Variants in SLC39A10 observed in about 807,000 individuals in gnomAD.
The protein encoded by SLC39A10 is solute carrier family 39 member 10.
In SLC39A10, 13 loss-of-function variants were observed where a neutral mutation model predicts 65.1. The observed-to-expected ratio is 0.20, with a 90% CI of 0.13 to 0.32. SLC39A10 has a LOEUF of 0.32. Among genes scored for constraint, SLC39A10 ranks in the 10% least tolerant of loss-of-function variants. SLC39A10 has a pLI of 1.00. For missense variants in SLC39A10, 831 were observed against 1,018.4 expected (o/e 0.82, Z 2.50); for synonymous variants, 321 against 342.2 (o/e 0.94, Z 0.68).
chr2:195,620,623 T>C (rs548946536), intron 2 of SLC39A10, among the ~76,000 whole-genome samples: 2 of 152,246 alleles, frequency 1.3e-5, no homozygotes, highest in East Asian at 3.9e-4. Flanking sequence ...TTGAAGTTCC[T>C]GATCCCCAGG....
chr2:195,614,401 C>T (rs1384835124), intron 2 of SLC39A10, among the ~76,000 whole-genome samples: 1 of 152,082 alleles, frequency 6.6e-6, no homozygotes, highest in Non-Finnish European at 1.5e-5. Flanking sequence ...TCTACTTTTG[C>T]ATTCCGAGCC....
Position 195,716,679 on chromosome 2 carries a change from C to T in SLC39A10, c.1739C>T (p.Thr580Ile), listed in dbSNP as rs1559047310. The change falls in exon 7 of 10, where the codon ACT becomes ATT. Residue 580 changes from threonine to isoleucine, a missense_variant. By Grantham distance (89) the Thr-to-Ile change is moderately conservative. Around this residue, in one of 4 missense-constraint regions of SLC39A10, gnomAD observed 230 missense variants for 242.9 expected, o/e 0.95. Transcript: ENST00000359634. ...SVVSEDRLNE[T>I]ELTDLEGQQE... ...GTTTCTGAAGATCGACTTAATGAAA[C>T]TGAACTGACAGATTTAGAAGGCCAA... is the stretch of plus-strand genomic sequence containing the variant. 2 of 1,612,754 alleles carry T rather than the reference C, an allele frequency of 1.2e-6. No homozygotes were observed. Among genetic ancestry groups the T allele is most frequent in the Non-Finnish European group, 8.5e-7 (1 of 1,179,412 alleles).
chr2:195,694,912 G>T (rs1052316419), intron 3 of SLC39A10, among the ~76,000 whole-genome samples: 4 of 152,148 alleles, frequency 2.6e-5, no homozygotes, highest in African/African-American at 9.7e-5. Context: ...TCGCAGATGG[G>T]GTCTGAAGGG....
chr2:195,676,188 C>A (rs1405688021), intron 1 of SLC39A10, among the ~76,000 whole-genome samples: 1 of 150,038 alleles, frequency 6.7e-6, no homozygotes, highest in Non-Finnish European at 1.5e-5. Context: ...TTCCCCCTCC[C>A]CTGCCGCCAC....
At chr2:195,727,849 T>A (rs1692301254) in intron 8 of SLC39A10, among the ~76,000 whole-genome samples, 2 of 152,128 alleles carry the variant, frequency 1.3e-5, no homozygotes, top group Admixed American at 1.3e-4. Flanking sequence ...GTGCTCTTCC[T>A]TTAGAGTCGC....
intron 9 of SLC39A10, among the ~76,000 whole-genome samples, chr2:195,733,424 T>C (rs1692488126): frequency 6.6e-6 from 1 of 152,248 alleles, no homozygotes; most frequent in Non-Finnish European, 1.5e-5. Context: ...ACAAATCTTA[T>C]TTACTTAGAC....
At chr2:195,714,909 C>T (rs1202771614) in intron 6 of SLC39A10, among the ~76,000 whole-genome samples, 1 of 151,892 alleles carries the variant, frequency 6.6e-6, no homozygotes, top group East Asian at 2.0e-4. Context: ...CCCGCCATCA[C>T]GCCCGTCTAA....
rs539914152 is a variant in SLC39A10, at chr2:195,624,955, G to A, written c.-12+18722G>A. Among the ~76,000 whole-genome samples, 147 of 149,410 alleles carry A rather than the reference G, an allele frequency of 9.8e-4. 2 individuals are homozygous for A. Among genetic ancestry groups the A allele is most frequent in the East Asian group, 2.0e-3 (10 of 4,956 alleles). Reference sequence around the variant, plus strand: ...GGGCCGGGCGCAGTGACTCACGCCTGTAATCCCAGCACTTTGAAAGACCGA... The same window carrying A: ...GGGCCGGGCGCAGTGACTCACGCCTATAATCCCAGCACTTTGAAAGACCGA... On this transcript the variant is annotated intron_variant, in intron 2 of 2. Transcript: ENST00000458054.
In SLC39A10 at chr2:195,736,314, A is replaced by AT. The variant is rs1383777984; in HGVS notation, c.*1278dup. The AT allele has an allele frequency of 1.2e-5, 2 of 164,484 alleles. No individual in the cohort carries two copies. The highest frequency in any genetic ancestry group is 4.8e-5 in the African/African-American group (2 of 41,422). 10.2% of individuals were successfully genotyped at this position (164,484 alleles called of 1,614,324 possible). ...GAAGTGCAAGCCATGTTTATCCTGA[A>AT]TTTTTACTTAATAATTTGTATTACT... is the stretch of plus-strand genomic sequence containing the variant. On this transcript the variant is annotated 3_prime_UTR_variant, in exon 10 of 10. Transcript: ENST00000359634.
At chr2:195,613,258 T>C (rs1008045960) in intron 2 of SLC39A10, among the ~76,000 whole-genome samples, 2 of 152,178 alleles carry the variant, frequency 1.3e-5, no homozygotes, top group Admixed American at 6.5e-5. Context: ...TCCTTGATGA[T>C]AGTAATCATT....
intron 8 of SLC39A10, among the ~76,000 whole-genome samples, chr2:195,725,195 A>C (rs1033565890): frequency 1.3e-5 from 2 of 152,154 alleles, no homozygotes; most frequent in East Asian, 1.9e-4. Flanking sequence ...AAAATATAGA[A>C]TATCTCTGTG....
intron 8 of SLC39A10, among the ~76,000 whole-genome samples, chr2:195,723,016 G>C (rs2615458): frequency 0.99 from 150,492 of 152,320 alleles, 74,373 homozygotes; most frequent in East Asian, 1. Flanking sequence ...TACCTTCTTA[G>C]CACTTACCCC....
chr2:195,664,072 T>C (rs1191457402), intron 1 of SLC39A10, among the ~76,000 whole-genome samples: 2 of 152,128 alleles, frequency 1.3e-5, no homozygotes, highest in African/African-American at 2.4e-5. Flanking sequence ...CAGTTAAAAA[T>C]TGAAAATCAG....
chr2:195,626,393 C>G (rs181347191), intron 2 of SLC39A10, among the ~76,000 whole-genome samples: 2 of 152,208 alleles, frequency 1.3e-5, no homozygotes, highest in Admixed American at 6.5e-5. Flanking sequence ...ATTGTCAGAC[C>G]CTGACAGCAA....
chr2:195,710,283 G>A (rs1283883786), intron 5 of SLC39A10, among the ~76,000 whole-genome samples: 1 of 152,096 alleles, frequency 6.6e-6, no homozygotes, highest in Non-Finnish European at 1.5e-5. Flanking sequence ...TCACTAACAT[G>A]TTTGTGATAC....
At chr2:195,615,972 G>A (rs1394650607) in intron 2 of SLC39A10, among the ~76,000 whole-genome samples, 2 of 152,054 alleles carry the variant, frequency 1.3e-5, no homozygotes, top group East Asian at 1.9e-4. Flanking sequence ...CTCTTTTTAT[G>A]TTTCCTAGCA....
At chr2:195,697,531 C>G (rs1301210734) in intron 3 of SLC39A10, among the ~76,000 whole-genome samples, 1 of 152,006 alleles carries the variant, frequency 6.6e-6, no homozygotes, top group Non-Finnish European at 1.5e-5. Context: ...ATTAGTCACC[C>G]AGGTATTAAG....
chr2:195,626,727 G>C (rs1164950361), intron 2 of SLC39A10, among the ~76,000 whole-genome samples: 1 of 152,172 alleles, frequency 6.6e-6, no homozygotes, highest in Non-Finnish European at 1.5e-5. Flanking sequence ...GCTATAGTTA[G>C]AGTCAGCTGG....
At chr2:195,637,006 C>T (rs1688709579) in intron 2 of SLC39A10, among the ~76,000 whole-genome samples, 1 of 152,086 alleles carries the variant, frequency 6.6e-6, no homozygotes, top group Admixed American at 6.6e-5. Context: ...TACCTAATTC[C>T]CTCTAGTCTC....
Sources: allele counts gnomAD v4.1 joint callset (sites outside exome capture counted in the v4.1 genomes callset), GRCh38; gene constraint gnomAD v4.1.1; regional missense constraint gnomAD v4.1.1; transcripts MANE v1.5; gene names NCBI Gene and HGNC (gene_info 2026-07-23, HGNC 2026-07-21).